The following PSMB2 variants were observed in gnomAD, a reference collection of about 807,000 sequenced individuals.
PSMB2 encodes proteasome 20S subunit beta 2.
A neutral mutation model predicts 25.7 loss-of-function variants in PSMB2; 13 were observed. That is an observed-to-expected ratio of 0.51 (90% CI 0.33 to 0.80). PSMB2 has a LOEUF of 0.80. Among genes scored for constraint, PSMB2 ranks in the 30% least tolerant of loss-of-function variants. The pLI is 0.02. For synonymous variants in PSMB2, 87 were observed against 96.2 expected (o/e 0.90, Z 0.56); for missense variants, 202 against 259.0 (o/e 0.78, Z 1.51).
rs150016188 is a variant in PSMB2, at chr1:35,610,500, T to G, written c.286-1092A>C. ...GTAAGTCTCTTTCTTTGTTGTTGTT[T>G]TTTTGTTTTTTTGAGACGGAGTCTG... is the stretch of plus-strand genomic sequence containing the variant. On this transcript the variant is annotated intron_variant, in intron 3 of 5. Transcript: ENST00000373237. Among the ~76,000 whole-genome samples, 305 of 152,210 alleles carry G rather than the reference T, an allele frequency of 2.0e-3. 1 individual carries two copies. Among genetic ancestry groups the G allele is most frequent in the Middle Eastern group, 0.01 (3 of 294 alleles).
Position 35,602,659 on chromosome 1 carries a change from A to G in PSMB2, c.*608T>C, listed in dbSNP as rs1040582127. 2 of 154,542 alleles carry G rather than the reference A, an allele frequency of 1.3e-5. No individual in the cohort carries two copies. The highest frequency in any genetic ancestry group is 1.4e-5 in the Non-Finnish European group (1 of 70,300). The allele number at this position is 154,542 out of a possible 1,614,324, so 9.6% of individuals were successfully genotyped here. A position where few individuals can be genotyped will look rare whatever the true frequency, so the allele number is the denominator to read the frequency against. On this transcript the variant is annotated 3_prime_UTR_variant, in exon 6 of 6. Transcript: ENST00000373237. The stretch of plus-strand genomic sequence containing the variant: ...ACTAGGGGTGCGTGCCACCACGCCC[A>G]GCTAATTTTTGTATTTTTAGTAGAG...
chr1:35,628,627 A>ATTTTTTTTTTT (rs1250841351), intron 3 of PSMB2, among the ~76,000 whole-genome samples: 3 of 42,952 alleles, frequency 7.0e-5, no homozygotes, highest in African/African-American at 1.1e-4. Flanking sequence ...ATATATATAT[A>ATTTTTTTTTTT]TATATTTTTT....
chr1:35,617,429 TA>T (rs1650524750), intron 3 of PSMB2, among the ~76,000 whole-genome samples: 1 of 150,606 alleles, frequency 6.6e-6, no homozygotes, highest in South Asian at 2.1e-4. Context: ...TAGCTTTAAG[TA>T]AAAAATACAC....
At chr1:35,628,616 TATA>T (rs1650976450) in intron 3 of PSMB2, among the ~76,000 whole-genome samples, 2 of 53,132 alleles carry the variant, frequency 3.8e-5, no homozygotes, top group African/African-American at 1.5e-4. Flanking sequence ...TATATATATA[TATA>T]TATATATATA....
intron 3 of PSMB2, among the ~76,000 whole-genome samples, chr1:35,628,611 ATATATATATATATATATATATT>A (rs1557456422): frequency 5.5e-4 from 20 of 36,638 alleles, no homozygotes; most frequent in African/African-American, 1.8e-3. Context: ...ATATATATAT[ATATATATATATATATATATATT>A]TTTTTTTTTT....
intron 3 of PSMB2, among the ~76,000 whole-genome samples, chr1:35,623,799 A>C (rs770429118): frequency 4.6e-5 from 7 of 152,218 alleles, no homozygotes; most frequent in Non-Finnish European, 7.3e-5. Flanking sequence ...TTTGCCAAAA[A>C]TCATGTGAAA....
rs1460378364 is a variant in PSMB2, at chr1:35,600,808, T to C, written c.*2459A>G. The C allele has an allele frequency of 1.7e-5, 17 of 985,448 alleles. No individual in the cohort carries two copies. The highest frequency in any genetic ancestry group is 2.0e-5 in the Non-Finnish European group (17 of 829,952). 61.0% of individuals were successfully genotyped at this position (985,448 alleles called of 1,614,324 possible). A position where few individuals can be genotyped will look rare whatever the true frequency, so the allele number is the denominator to read the frequency against. The stretch of plus-strand genomic sequence containing the variant: ...ACTTACATTCAAAGGCAGAGAACCG[T>C]ATGTCATCCCTGGTGAGGCCTGAAT... On this transcript the variant is annotated 3_prime_UTR_variant, in exon 6 of 6. Coordinates refer to ENST00000373237, the MANE Select transcript of PSMB2 (RefSeq NM_002794.5).
chr1:35,638,074 G>T (rs1651294701), intron 1 of PSMB2, among the ~76,000 whole-genome samples: 1 of 152,150 alleles, frequency 6.6e-6, no homozygotes, highest in African/African-American at 2.4e-5. Context: ...TGAAGGGGGA[G>T]CTTGTTTACA....
chr1:35,614,876 G>A (rs1425880655), intron 3 of PSMB2, among the ~76,000 whole-genome samples: 1 of 152,194 alleles, frequency 6.6e-6, no homozygotes, highest in Non-Finnish European at 1.5e-5. Context: ...GGGTGAGGAC[G>A]AAACTAGACA....
Position 35,599,919 on chromosome 1 carries a change from G to A in PSMB2, c.*3348C>T. 1 of 896,488 alleles carries A rather than the reference G, an allele frequency of 1.1e-6. No homozygotes were observed. Among genetic ancestry groups the A allele is most frequent in the African/African-American group, 1.8e-5 (1 of 55,378 alleles). The allele number at this position is 896,488 out of a possible 1,614,324, so 55.5% of individuals were successfully genotyped here. A position where few individuals can be genotyped will look rare whatever the true frequency, so the allele number is the denominator to read the frequency against. ...AGACCAAGGTGGGAGGATCACTTGA[G>A]GCCAAGAGTTCGAGACCAGCCTAGG... On this transcript the variant is annotated 3_prime_UTR_variant, in exon 6 of 6. Transcript: ENST00000373237.
chr1:35,641,226 G>A (rs916106297), intron 1 of PSMB2, 116 bp downstream of exon 1: 2 of 1,310,008 alleles, frequency 1.5e-6, no homozygotes, highest in Non-Finnish European at 2.1e-6. Flanking sequence ...AGTACGGGCA[G>A]GGCAGGCCGG....
chr1:35,603,887 G>T (rs970480573), intron 5 of PSMB2, among the ~76,000 whole-genome samples: 1 of 151,890 alleles, frequency 6.6e-6, no homozygotes, highest in Non-Finnish European at 1.5e-5. Context: ...AAAATAAAAT[G>T]AGCTGGGCAT....
chr1:35,601,788 A>G lies in PSMB2; in HGVS notation c.*1479T>C, dbSNP rs1413642915. On this transcript the variant is annotated 3_prime_UTR_variant, in exon 6 of 6. Transcript: ENST00000373237. ...GACCAGCAGCATCAGTAGCAACTGG[A>G]AATGTGAGATGAACATTCTGAAACA... The G allele has an allele frequency of 1.0e-6, 1 of 985,442 alleles. No homozygotes were observed. Among genetic ancestry groups the G allele is most frequent in the East Asian group, 1.1e-4 (1 of 8,816 alleles). The allele number at this position is 985,442 out of a possible 1,614,324, so 61.0% of individuals were successfully genotyped here.
chr1:35,602,062 G>T lies in PSMB2; in HGVS notation c.*1205C>A, dbSNP rs1033790910. 1 of 561,298 alleles carries T rather than the reference G, an allele frequency of 1.8e-6. No individual in the cohort carries two copies. Among genetic ancestry groups the T allele is most frequent in the East Asian group, 1.5e-4 (1 of 6,836 alleles). 34.8% of individuals were successfully genotyped at this position (561,298 alleles called of 1,614,324 possible). The stretch of plus-strand genomic sequence containing the variant: ...TAAAAATACTTTTTAGCCGGGCACG[G>T]TGGCTCACGCCTGTAATCCCAGCAC... On this transcript the variant is annotated 3_prime_UTR_variant, in exon 6 of 6. Transcript: ENST00000373237.
At chr1:35,618,240 AAAG>A (rs1356930774) in intron 3 of PSMB2, among the ~76,000 whole-genome samples, 4 of 152,142 alleles carry the variant, frequency 2.6e-5, no homozygotes, top group Non-Finnish European at 5.9e-5. Context: ...GGTGAGGGAG[AAAG>A]AAGAGTGAGG....
chr1:35,605,358 C>A, intron 4 of PSMB2, 76 bp from the exon 5 acceptor site: 1 of 1,446,134 alleles, frequency 6.9e-7, no homozygotes, highest in South Asian at 1.2e-5. Context: ...TGATTAAGTT[C>A]CAAATCTGGC....
chr1:35,631,841 T>C (rs956512077), intron 2 of PSMB2, among the ~76,000 whole-genome samples: 1 of 152,092 alleles, frequency 6.6e-6, no homozygotes, highest in Non-Finnish European at 1.5e-5. Context: ...GGCAACATAG[T>C]GAGACCCCCA....
At chr1:35,603,781 G>A (rs1402407966) in intron 5 of PSMB2, among the ~76,000 whole-genome samples, 5 of 152,148 alleles carry the variant, frequency 3.3e-5, no homozygotes, top group Admixed American at 6.5e-5. Flanking sequence ...CAGGAGCTGT[G>A]GCTCAGGCCT....
At chr1:35,606,314 C>A (rs772034678) in intron 4 of PSMB2, among the ~76,000 whole-genome samples, 3 of 152,144 alleles carry the variant, frequency 2.0e-5, no homozygotes, top group Non-Finnish European at 4.4e-5. Context: ...AAAGACCCCA[C>A]CAGAAAACTC....
Sources: gnomAD v4.1 joint callset for allele counts (sites outside exome capture counted in the v4.1 genomes callset) on GRCh38, gnomAD v4.1.1 for gene constraint, MANE v1.5 for transcripts, NCBI Gene and HGNC (gene_info 2026-07-23, HGNC 2026-07-21) for gene names.